Variants in MBD5 observed in about 807,000 individuals in gnomAD.
MBD5 encodes the protein methyl-CpG binding domain protein 5.
MBD5 carries 13 observed loss-of-function variants against 117.3 expected under a neutral mutation model. That is an observed-to-expected ratio of 0.11 (90% CI 0.07 to 0.18). The LOEUF (loss-of-function observed/expected upper bound fraction) is 0.18. Ranked by LOEUF, MBD5 falls within the 10% of genes least tolerant of loss-of-function variation. The pLI, the probability that MBD5 is intolerant of heterozygous loss-of-function variation, is 1.00. For synonymous variants in MBD5, 727 were observed against 766.4 expected (o/e 0.95, Z 0.85); for missense variants, 1,879 against 2,093.8 (o/e 0.90, Z 2.00).
intron 4 of MBD5, among the ~76,000 whole-genome samples, chr2:148,343,086 T>C (rs1211896154): frequency 6.6e-6 from 1 of 152,090 alleles, no homozygotes; most frequent in East Asian, 1.9e-4. Flanking sequence ...CTACATCATG[T>C]TGCTGCAGAG....
intron 2 of MBD5, among the ~76,000 whole-genome samples, chr2:148,180,063 T>C (rs1247172234): frequency 4.0e-5 from 6 of 151,828 alleles, no homozygotes; most frequent in Non-Finnish European, 2.9e-5. Flanking sequence ...TCTCTTAGAG[T>C]GCAAGTATTT....
At chr2:148,359,164 G>A (rs1043058613) in intron 4 of MBD5, among the ~76,000 whole-genome samples, 1 of 151,882 alleles carries the variant, frequency 6.6e-6, no homozygotes, top group Non-Finnish European at 1.5e-5. Context: ...CTATTTGGGA[G>A]GCAGAGGCAT....
chr2:148,209,870 C>A (rs1303560659), intron 2 of MBD5, among the ~76,000 whole-genome samples: 1 of 152,140 alleles, frequency 6.6e-6, no homozygotes. Flanking sequence ...CAGGGGATGG[C>A]ACTAAGCCAT....
At chr2:148,495,832 G>A (rs1176407086) in intron 11 of MBD5, among the ~76,000 whole-genome samples, 1 of 152,084 alleles carries the variant, frequency 6.6e-6, no homozygotes, top group Non-Finnish European at 1.5e-5. Context: ...AAATCTATTG[G>A]GGGGCAATAC....
intron 1 of MBD5, among the ~76,000 whole-genome samples, chr2:148,102,446 A>G (rs572909868): frequency 6.6e-6 from 1 of 152,234 alleles, no homozygotes; most frequent in East Asian, 1.9e-4. Flanking sequence ...CTAAAGCTGG[A>G]AGAAATGAAG....
chr2:148,148,959 T>C (rs1357568289), intron 1 of MBD5, among the ~76,000 whole-genome samples: 2 of 152,208 alleles, frequency 1.3e-5, no homozygotes, highest in Non-Finnish European at 2.9e-5. Flanking sequence ...TTAATTATAC[T>C]TTAAGTTTTA....
intron 2 of MBD5, among the ~76,000 whole-genome samples, chr2:148,210,435 T>G (rs912620704): frequency 6.6e-6 from 1 of 152,100 alleles, no homozygotes; most frequent in Non-Finnish European, 1.5e-5. Context: ...CAAGCTCATA[T>G]TTTGCTAAAT....
chr2:148,346,693 TAAG>T (rs961734302), intron 4 of MBD5: 77 of 152,018 alleles, frequency 5.1e-4, no homozygotes, highest in African/African-American at 1.8e-3. Context: ...TGTAGACTGA[TAAG>T]AATCATAATC....
In MBD5 at chr2:148,250,786, A is replaced by T. The variant is rs80260653; in HGVS notation, c.-680+17391A>T. On this transcript the variant is annotated intron_variant, in intron 3 of 13. Transcript: ENST00000642680. ...ATTATTCTTATTTCACAGAAAAGAA[A>T]GCTGGGACTTAAAAGAAAAGTAGAT... is the stretch of plus-strand genomic sequence containing the variant. Among the ~76,000 whole-genome samples, 526 of 152,298 alleles carry T rather than the reference A, an allele frequency of 3.5e-3. 5 individuals are homozygous for T. The highest frequency in any genetic ancestry group is 0.011 in the African/African-American group (454 of 41,576).
intron 1 of MBD5, among the ~76,000 whole-genome samples, chr2:148,116,573 GGTTA>G (rs1696646555): frequency 6.6e-6 from 1 of 152,164 alleles, no homozygotes; most frequent in Admixed American, 6.5e-5. Flanking sequence ...TGGACGTGTA[GGTTA>G]GTTCAACTCT....
chr2:148,387,459 G>A (rs1312657138), intron 4 of MBD5, among the ~76,000 whole-genome samples: 1 of 152,064 alleles, frequency 6.6e-6, no homozygotes, highest in African/African-American at 2.4e-5. Flanking sequence ...TCCCAATGAA[G>A]TACTAGAAGC....
intron 4 of MBD5, among the ~76,000 whole-genome samples, chr2:148,454,741 A>C (rs1031967180): frequency 6.6e-6 from 1 of 152,154 alleles, no homozygotes; most frequent in African/African-American, 2.4e-5. Flanking sequence ...AAAATGACAA[A>C]ATGTTTACAT....
intron 2 of MBD5, among the ~76,000 whole-genome samples, chr2:148,180,042 T>A (rs541761900): frequency 6.6e-6 from 1 of 151,692 alleles, no homozygotes; most frequent in South Asian, 2.1e-4. Flanking sequence ...CTTTTTTCTA[T>A]TTTTCTTTAT....
intron 4 of MBD5, among the ~76,000 whole-genome samples, chr2:148,371,690 T>G (rs1320415527): frequency 6.6e-6 from 1 of 152,128 alleles, no homozygotes; most frequent in Non-Finnish European, 1.5e-5. Context: ...CATCAGGCAG[T>G]TTTCATCATT....
At chr2:148,130,014 C>A (rs552617131) in intron 1 of MBD5, among the ~76,000 whole-genome samples, 187 of 152,244 alleles carry the variant, frequency 1.2e-3, no homozygotes, top group African/African-American at 4.4e-3. Context: ...ATACAGTTTT[C>A]AAATTTAAGC....
chr2:148,396,369 C>T (rs1704714984), intron 4 of MBD5, among the ~76,000 whole-genome samples: 1 of 152,200 alleles, frequency 6.6e-6, no homozygotes, highest in Admixed American at 6.5e-5. Context: ...TTCCACTGCC[C>T]TGTTTTCAAT....
chr2:148,051,409 C>CT (rs764027592), intron 1 of MBD5, among the ~76,000 whole-genome samples: 266 of 137,316 alleles, frequency 1.9e-3, no homozygotes, highest in African/African-American at 5.2e-3. Flanking sequence ...TTCTGTTTTT[C>CT]TTTTTTTTTT....
intron 3 of MBD5, among the ~76,000 whole-genome samples, chr2:148,324,392 A>C (rs1339983332): frequency 1.3e-5 from 2 of 152,142 alleles, no homozygotes. Context: ...TGGTAGCTTG[A>C]TGGGGATGGC....
chr2:148,085,462 C>A (rs1695753718), intron 1 of MBD5, among the ~76,000 whole-genome samples: 1 of 152,130 alleles, frequency 6.6e-6, no homozygotes, highest in African/African-American at 2.4e-5. Flanking sequence ...CGGTGGCTCA[C>A]GCCTGTAATC....
Sources: allele counts gnomAD v4.1 joint callset (sites outside exome capture counted in the v4.1 genomes callset), GRCh38; gene constraint gnomAD v4.1.1; transcripts MANE v1.5; gene names NCBI Gene and HGNC (gene_info 2026-07-23, HGNC 2026-07-21).